The following ADAMTS12 variants were observed in gnomAD, a reference collection of about 807,000 sequenced individuals.
The protein encoded by ADAMTS12 is A disintegrin and metalloproteinase with thrombospondin motifs 12.
In ADAMTS12, 118 loss-of-function variants were observed where a neutral mutation model predicts 167.8. That is an observed-to-expected ratio of 0.70 (90% CI 0.61 to 0.82). ADAMTS12 has a LOEUF of 0.82. Among genes scored for constraint, ADAMTS12 ranks in the 40% least tolerant of loss-of-function variants. The pLI is 0.00. For synonymous variants in ADAMTS12, 704 were observed against 716.9 expected (o/e 0.98, Z 0.29); for missense variants, 1,916 against 1,998.8 (o/e 0.96, Z 0.79).
intron 20 of ADAMTS12, among the ~76,000 whole-genome samples, chr5:33,559,146 C>T (rs1345308135): frequency 6.6e-6 from 1 of 152,152 alleles, no homozygotes; most frequent in East Asian, 1.9e-4. Context: ...GAGCTCTTCA[C>T]TAGATGAAGA....
chr5:33,877,574 AAAAC>A (rs1216085049), intron 2 of ADAMTS12, among the ~76,000 whole-genome samples: 1 of 152,234 alleles, frequency 6.6e-6, no homozygotes, highest in Non-Finnish European at 1.5e-5. Context: ...CTAAACTGTT[AAAAC>A]AAACAAATTC....
intron 20 of ADAMTS12, 29 bp downstream of exon 20, chr5:33,560,998 C>T: frequency 6.2e-7 from 1 of 1,613,526 alleles, no homozygotes; most frequent in East Asian, 2.2e-5. Context: ...TTCTCTACCT[C>T]CAAGACTCTG....
chr5:33,780,399 A>G (rs1746082377), intron 2 of ADAMTS12, among the ~76,000 whole-genome samples: 1 of 152,184 alleles, frequency 6.6e-6, no homozygotes, highest in Non-Finnish European at 1.5e-5. Context: ...GGTATGAGAT[A>G]CTTTACAGAT....
chr5:33,756,030 C>T (rs2112399465), intron 2 of ADAMTS12, among the ~76,000 whole-genome samples: 1 of 152,320 alleles, frequency 6.6e-6, no homozygotes, highest in East Asian at 1.9e-4. Context: ...CTATATCTAT[C>T]ATAGGGTCAG....
At chr5:33,625,753 C>T (rs999921111) in intron 13 of ADAMTS12, among the ~76,000 whole-genome samples, 1 of 152,188 alleles carries the variant, frequency 6.6e-6, no homozygotes, top group South Asian at 2.1e-4. Flanking sequence ...TGTCCCACAG[C>T]ATATTAAATG....
chr5:33,594,272 C>T (rs1399679132), intron 17 of ADAMTS12, among the ~76,000 whole-genome samples: 2 of 152,178 alleles, frequency 1.3e-5, no homozygotes, highest in African/African-American at 4.8e-5. Flanking sequence ...CATGCCTTTC[C>T]CCTTCTGCCA....
intron 2 of ADAMTS12, among the ~76,000 whole-genome samples, chr5:33,863,321 A>C (rs568885974): frequency 6.6e-6 from 1 of 152,204 alleles, no homozygotes; most frequent in African/African-American, 2.4e-5. Flanking sequence ...AATTTCCTTA[A>C]GCTGATAAGC....
chr5:33,585,938 G>T (rs1409370480), intron 18 of ADAMTS12, among the ~76,000 whole-genome samples: 1 of 152,108 alleles, frequency 6.6e-6, no homozygotes, highest in Non-Finnish European at 1.5e-5. Context: ...GATAAGGAAA[G>T]GAGCTCATGA....
At chr5:33,586,102 C>T (rs1747333903) in intron 18 of ADAMTS12, among the ~76,000 whole-genome samples, 1 of 152,154 alleles carries the variant, frequency 6.6e-6, no homozygotes, top group Non-Finnish European at 1.5e-5. Flanking sequence ...ATGAAAATGA[C>T]ACAGTGCAGA....
intron 5 of ADAMTS12, among the ~76,000 whole-genome samples, chr5:33,680,353 T>C (rs1435659139): frequency 1.3e-5 from 2 of 152,104 alleles, no homozygotes; most frequent in Non-Finnish European, 1.5e-5. Context: ...TGAAGAGACA[T>C]GGAGTTTAAA....
At chr5:33,570,694 A>G (rs1245871382) in intron 19 of ADAMTS12, among the ~76,000 whole-genome samples, 1 of 152,144 alleles carries the variant, frequency 6.6e-6, no homozygotes, top group Non-Finnish European at 1.5e-5. Context: ...TCAACTAACA[A>G]GCAAAATAAC....
intron 2 of ADAMTS12, among the ~76,000 whole-genome samples, chr5:33,812,322 A>G (rs1747491566): frequency 6.6e-6 from 1 of 152,214 alleles, no homozygotes; most frequent in Admixed American, 6.5e-5. Flanking sequence ...GATTGTGAGT[A>G]GGACAGATGT....
chr5:33,644,007 G>T (rs1483228504), intron 9 of ADAMTS12, among the ~76,000 whole-genome samples: 1 of 152,156 alleles, frequency 6.6e-6, no homozygotes, highest in East Asian at 1.9e-4. Flanking sequence ...ACCCTTATGG[G>T]GATAAAGGAA....
At chr5:33,689,149 T>C (rs906701076) in intron 3 of ADAMTS12, among the ~76,000 whole-genome samples, 1 of 152,332 alleles carries the variant, frequency 6.6e-6, no homozygotes, top group African/African-American at 2.4e-5. Context: ...CAACTGGTGC[T>C]AAACACTCTT....
intron 23 of ADAMTS12, among the ~76,000 whole-genome samples, chr5:33,528,977 G>A (rs935009519): frequency 3.4e-4 from 51 of 152,142 alleles, no homozygotes; most frequent in African/African-American, 1.2e-3. Context: ...ACCGGAAGGT[G>A]GAGGTTGCAG....
intron 5 of ADAMTS12, among the ~76,000 whole-genome samples, chr5:33,671,832 C>CCACA (rs1741703454): frequency 6.7e-6 from 1 of 148,790 alleles, no homozygotes; most frequent in Admixed American, 6.7e-5. Context: ...ACCCACACAC[C>CCACA]CACACACTCA....
Position 33,882,574 on chromosome 5 carries a change from G to GTTGTT in ADAMTS12, c.128-1099_128-1095dup, listed in dbSNP as rs544756356. ...TCTGGATTACACTTCTTCTTTTTTT[G>GTTGTT]TTGTTTTGTTTTGTTTTGTTTTGTA... On this transcript the variant is annotated intron_variant, in intron 1 of 23. Coordinates refer to ENST00000504830, the MANE Select transcript of ADAMTS12 (RefSeq NM_030955.4). 1.2e-4 allele frequency among the ~76,000 whole-genome samples: 18 copies of GTTGTT among 152,082 alleles called. No individual in the cohort carries two copies. In the East Asian group the frequency reaches 2.7e-3, roughly 23 times the overall value.
intron 2 of ADAMTS12, among the ~76,000 whole-genome samples, chr5:33,757,692 G>T (rs1026081075): frequency 6.6e-6 from 1 of 152,160 alleles, no homozygotes; most frequent in Non-Finnish European, 1.5e-5. Flanking sequence ...GATCAAAAAC[G>T]TATGATATGG....
chr5:33,789,877 G>A (rs1378048995), intron 2 of ADAMTS12, among the ~76,000 whole-genome samples: 1 of 151,980 alleles, frequency 6.6e-6, no homozygotes, highest in African/African-American at 2.4e-5. Context: ...TGCCTCTCAT[G>A]GATTTACTTT....
Sources: gnomAD v4.1 joint callset for allele counts (sites outside exome capture counted in the v4.1 genomes callset) on GRCh38, gnomAD v4.1.1 for gene constraint, MANE v1.5 for transcripts, NCBI Gene and HGNC (gene_info 2026-07-23, HGNC 2026-07-21) for gene names.